NKTR: variants seen among roughly 807,000 people sequenced by gnomAD.
NKTR encodes the protein natural killer cell triggering receptor.
Under a neutral mutation model 156.3 loss-of-function variants are expected in NKTR, and 67 were observed. The observed-to-expected ratio is 0.43, with a 90% CI of 0.35 to 0.53. The LOEUF (loss-of-function observed/expected upper bound fraction) is 0.53, where lower values mean the gene tolerates loss of function less well. Ranked by LOEUF, NKTR falls within the 20% of genes least tolerant of loss-of-function variation. The pLI is 0.01. For synonymous variants in NKTR, 640 were observed against 596.6 expected (o/e 1.07, Z -1.06); for missense variants, 1,604 against 1,730.9 (o/e 0.93, Z 1.30).
At chr3:42,619,353 A>G in intron 4 of NKTR, 1 of 1,204,780 alleles carries the variant, frequency 8.3e-7, no homozygotes, top group Non-Finnish European at 1.1e-6. Flanking sequence ...TTAATATTAT[A>G]GTTACTTAGT....
In NKTR at chr3:42,635,100, G is replaced by A. The variant is rs533536743; in HGVS notation, c.1018-121G>A. The stretch of plus-strand genomic sequence containing the variant: ...AAAAGAACTTTAGACCATCCTTTTG[G>A]TAACTTCAATCATTACCTTTGATGG... On this transcript the variant is annotated intron_variant, in intron 11 of 16. Transcript: ENST00000232978. The A allele has an allele frequency of 1.7e-4, 98 of 567,444 alleles. 1 individual carries two copies. In the South Asian group the frequency reaches 2.0e-3, roughly 12 times the overall value. The allele number at this position is 567,444 out of a possible 1,614,324, so 35.2% of individuals were successfully genotyped here.
chr3:42,634,581 T>C, intron 10 of NKTR, 32 bp from the exon 11 acceptor site: 1 of 1,291,740 alleles, frequency 7.7e-7, no homozygotes, highest in Non-Finnish European at 1.1e-6. Context: ...CTTTGCTTAT[T>C]TTTAATTTTC....
intron 9 of NKTR, chr3:42,633,127 C>A: frequency 1.7e-6 from 1 of 584,804 alleles, no homozygotes; most frequent in Non-Finnish European, 2.3e-6. Flanking sequence ...GCATCCTCCA[C>A]CTCCTGGGCT....
At chr3:42,640,218 GATC>G (rs1709767010) in intron 13 of NKTR, among the ~76,000 whole-genome samples, 1 of 152,198 alleles carries the variant, frequency 6.6e-6, no homozygotes, top group Non-Finnish European at 1.5e-5. Context: ...GGATAAAAAT[GATC>G]ATCTTTAGAT....
rs570080629 is a variant in NKTR, at chr3:42,638,280, G to A, written c.2576G>A (p.Arg859Lys). The A allele has an allele frequency of 1.2e-5, 20 of 1,606,378 alleles. No homozygotes were observed. Among genetic ancestry groups the A allele is most frequent in the South Asian group, 4.5e-5 (4 of 89,398 alleles). Reference protein sequence around the residue: ...SERECPHSKKRTLKENLSDHL... With the variant: ...SERECPHSKKKTLKENLSDHL... Reference sequence around the variant, plus strand: ...CGGGAATGCCCTCATTCAAAAAAAAGAACTTTGAAAGAGAATCTTTCTGAT... The same window carrying A: ...CGGGAATGCCCTCATTCAAAAAAAAAAACTTTGAAAGAGAATCTTTCTGAT... Residue 859 changes from arginine (R) to lysine (K), a missense_variant, in exon 13 of 17, where the codon AGA becomes AAA. Arg to Lys is a conservative substitution (Grantham distance 26). This residue lies in a region of NKTR where 1,255 missense variants were observed against 1,243.7 expected (regional missense o/e 1.01). Coordinates refer to ENST00000232978, the MANE Select transcript of NKTR (RefSeq NM_005385.4).
At chr3:42,633,028 T>G in intron 9 of NKTR, 1 of 1,263,672 alleles carries the variant, frequency 7.9e-7, no homozygotes, top group Non-Finnish European at 1.0e-6. Context: ...AGTTTTCGGG[T>G]GAAAATAGTC....
intron 2 of NKTR, among the ~76,000 whole-genome samples, chr3:42,616,313 T>A (rs1456900853): frequency 6.6e-6 from 1 of 152,220 alleles, no homozygotes; most frequent in Non-Finnish European, 1.5e-5. Context: ...AGTAATTAAT[T>A]GCAAATCAGA....
chr3:42,612,734 T>C (rs1336716697), intron 2 of NKTR, among the ~76,000 whole-genome samples: 3 of 152,180 alleles, frequency 2.0e-5, no homozygotes, highest in Non-Finnish European at 4.4e-5. Context: ...AATGGTAGAC[T>C]GTGCTCAGTT....
At position 42,643,981 on chromosome 3, in the gene NKTR, A is replaced by G; in HGVS notation, c.4279A>G (p.Arg1427Gly). ...SQRSDSYHRG[R>G]SYNRRSRSCR... is the part of the protein sequence containing the mutation. Reference sequence around the variant, plus strand: ...GAGAAGTGACAGTTACCACCGAGGCAGAAGTTATAATCGGCGGTCCAGGTG... The same window carrying G: ...GAGAAGTGACAGTTACCACCGAGGCGGAAGTTATAATCGGCGGTCCAGGTG... The change falls in exon 16 of 17, where the codon AGA (arginine) becomes GGA (glycine). Residue 1427 changes from arginine to glycine, a missense_variant. By Grantham distance (125) the Arg-to-Gly change is moderately radical (BLOSUM62 -2). Transcript: ENST00000232978. 6.2e-7 allele frequency: 1 copy of G among 1,613,918 alleles called. No homozygotes were observed.
At position 42,638,562 on chromosome 3, in the gene NKTR, A is replaced by G; in HGVS notation, c.2858A>G (p.Gln953Arg). 9 of 1,614,024 alleles carry G rather than the reference A, an allele frequency of 5.6e-6. No homozygotes were observed. Among genetic ancestry groups the G allele is most frequent in the East Asian group, 2.2e-5 (1 of 44,888 alleles). ...AATGGTGCTTGGAAATCAAGCAAACAGCGCACATCAACTTCTGACTCTGAG... is the reference window on the plus strand; with the variant it reads ...AATGGTGCTTGGAAATCAAGCAAACGGCGCACATCAACTTCTGACTCTGAG... ...DDNGAWKSSK[Q>R]RTSTSDSEGS... The change falls in exon 13 of 17, where the codon CAG (glutamine) becomes CGG (arginine). Residue 953 changes from glutamine (Q) to arginine (R), a missense_variant. Transcript: ENST00000232978.
At chr3:42,643,838 AG>A in intron 15 of NKTR, 63 bp from the exon 16 acceptor site, 1 of 1,157,322 alleles carries the variant, frequency 8.6e-7, no homozygotes, top group South Asian at 1.3e-5. Flanking sequence ...GATCCTAAAA[AG>A]AAATAGGAAC....
At position 42,631,217 on chromosome 3, in the gene NKTR, G is replaced by A. The variant is rs764568126; in HGVS notation, c.451G>A (p.Glu151Lys). 3.1e-6 allele frequency: 5 copies of A among 1,613,926 alleles called. No homozygotes were observed. The highest frequency in any genetic ancestry group is 2.2e-5 in the East Asian group (1 of 44,866). The part of the protein sequence containing the change: ...GLVISGFEVI[E>K]QIENLKTDAA... ...GGTTATTTCTGGTTTTGAAGTAATC[G>A]AACAAATTGAAAATCTGAAGACCGA... Residue 151 changes from glutamate to lysine, a missense_variant, in exon 8 of 17, where the codon GAA becomes AAA. Coordinates refer to ENST00000232978, the MANE Select transcript of NKTR (RefSeq NM_005385.4).
At chr3:42,630,801 A>G in intron 7 of NKTR, 1 of 1,352,732 alleles carries the variant, frequency 7.4e-7, no homozygotes, top group Non-Finnish European at 9.5e-7. Flanking sequence ...CAGCAATATA[A>G]TTCTTTTTAT....
Position 42,647,267 on chromosome 3 carries a change from AGTGTGTGTGTGTGT to A in NKTR, c.*1314_*1327del, listed in dbSNP as rs11442896. On this transcript the variant is annotated 3_prime_UTR_variant, in exon 17 of 17. Transcript: ENST00000232978. Reference sequence around the variant, plus strand: ...AAAAATAATTGGACCTGTAAAAACTAGTGTGTGTGTGTGTGTGTGTGTGTGTGTGTGTGTGGTTT... The same window carrying A: ...AAAAATAATTGGACCTGTAAAAACTAGTGTGTGTGTGTGTGTGTGTGGTTT... The A allele has an allele frequency of 1.6e-4, 16 of 102,974 alleles. No individual in the cohort carries two copies. Among genetic ancestry groups the A allele is most frequent in the African/African-American group, 6.3e-4 (15 of 23,684 alleles). The allele number at this position is 102,974 out of a possible 1,614,324, so 6.4% of individuals were successfully genotyped here. A position where few individuals can be genotyped will look rare whatever the true frequency, so the allele number is the denominator to read the frequency against.
rs571543718 is a variant in NKTR, at chr3:42,613,749, T to C, written c.59-3821T>C. On this transcript the variant is annotated intron_variant, in intron 2 of 16. Transcript: ENST00000232978. Reference sequence around the variant, plus strand: ...TGACATAGACTTTTCCTGTCTGTAGTCAAAGCTTAACATGTGTTGATATTA... The same window carrying C: ...TGACATAGACTTTTCCTGTCTGTAGCCAAAGCTTAACATGTGTTGATATTA... Among the ~76,000 whole-genome samples, 31 of 152,350 alleles carry C rather than the reference T, an allele frequency of 2.0e-4. 1 individual carries two copies. The highest frequency in any genetic ancestry group is 6.5e-4 in the Admixed American group (10 of 15,300).
chr3:42,601,109 TG>T, intron 2 of NKTR, 45 bp downstream of exon 2: 1 of 1,489,978 alleles, frequency 6.7e-7, no homozygotes, highest in African/African-American at 1.4e-5. Flanking sequence ...AGGCCTGCCT[TG>T]GCGAAGGGGA....
chr3:42,606,550 A>T (rs1382684392), intron 2 of NKTR, among the ~76,000 whole-genome samples: 2 of 152,154 alleles, frequency 1.3e-5, no homozygotes, highest in Admixed American at 6.5e-5. Context: ...GTAAAGTGAA[A>T]TCCTGAATTC....
chr3:42,617,527 A>G, intron 2 of NKTR, 43 bp from the exon 3 acceptor site: 1 of 999,720 alleles, frequency 1.0e-6, no homozygotes, highest in East Asian at 2.4e-5. Context: ...AATGTGATAT[A>G]TTTAACTTGC....
chr3:42,634,150 CATG>C (rs1444946399), intron 10 of NKTR, among the ~76,000 whole-genome samples: 2 of 152,144 alleles, frequency 1.3e-5, no homozygotes, highest in East Asian at 3.9e-4. Context: ...TAATTAATTG[CATG>C]ATGATTGGAG....
Sources: allele counts gnomAD v4.1 joint callset (sites outside exome capture counted in the v4.1 genomes callset), GRCh38; gene constraint gnomAD v4.1.1; regional missense constraint gnomAD v4.1.1; transcripts MANE v1.5; gene names NCBI Gene and HGNC (gene_info 2026-07-23, HGNC 2026-07-21).